Variants in BCAS3 observed in about 807,000 individuals in gnomAD.
BCAS3 encodes the protein BCAS3 microtubule associated cell migration factor, also known as BCAS4/BCAS3 fusion.
BCAS3 carries 53 observed loss-of-function variants against 116.1 expected under a neutral mutation model. The observed-to-expected ratio is 0.46, with a 90% CI of 0.37 to 0.57. The LOEUF (loss-of-function observed/expected upper bound fraction) is 0.57, where lower values mean the gene tolerates loss of function less well. BCAS3 is among the 20% of genes least tolerant of loss of function. The pLI, the probability that BCAS3 is intolerant of heterozygous loss-of-function variation, is 0.00. For synonymous variants in BCAS3, 391 were observed against 408.2 expected (o/e 0.96, Z 0.51); for missense variants, 917 against 1,165.4 (o/e 0.79, Z 3.10).
At chr17:61,099,624 A>T (rs540374015) in intron 22 of BCAS3, among the ~76,000 whole-genome samples, 1 of 152,332 alleles carries the variant, frequency 6.6e-6, no homozygotes, top group African/African-American at 2.4e-5. Flanking sequence ...TAAACAGAAT[A>T]TTTCTTTGAT....
intron 15 of BCAS3, among the ~76,000 whole-genome samples, chr17:61,009,485 C>G (rs568859325): frequency 4.6e-5 from 7 of 152,098 alleles, no homozygotes; most frequent in Non-Finnish European, 1.5e-5. Context: ...TGGTATGACA[C>G]TCCTTTAAGG....
Position 61,124,424 on chromosome 17 carries a change from T to C in BCAS3, c.2425+39860T>C, listed in dbSNP as rs1479308959. ...CAATGCATCTTTTTATTTAGTTTGT[T>C]AACTACATTCTATTGTAGAACTGTT... is the stretch of plus-strand genomic sequence containing the variant. On this transcript the variant is annotated intron_variant, in intron 22 of 23. Transcript: ENST00000407086. The surrounding 1 kb of genome is among the most constrained non-coding windows in gnomAD (Gnocchi z 4.6). Among the ~76,000 whole-genome samples, 1 of 152,216 alleles carries C rather than the reference T, an allele frequency of 6.6e-6. No homozygotes were observed. The highest frequency in any genetic ancestry group is 2.4e-5 in the African/African-American group (1 of 41,464).
chr17:61,035,030 C>T (rs2066909839), intron 17 of BCAS3, among the ~76,000 whole-genome samples: 2 of 152,132 alleles, frequency 1.3e-5, no homozygotes, highest in Non-Finnish European at 2.9e-5. Flanking sequence ...TGGTGACAAT[C>T]TACAGGTGAT....
intron 23 of BCAS3, among the ~76,000 whole-genome samples, chr17:61,374,054 G>T (rs1185407593): frequency 6.6e-6 from 1 of 150,762 alleles, no homozygotes; most frequent in East Asian, 2.0e-4. Flanking sequence ...GGCCTCAAGT[G>T]ATCTGCCCAC....
intron 12 of BCAS3, 111 bp downstream of exon 12, chr17:60,910,813 G>T (rs967729582): frequency 4.0e-6 from 4 of 1,000,926 alleles, no homozygotes; most frequent in South Asian, 2.3e-5. Flanking sequence ...GGAATTTTAG[G>T]AATTCAGATT....
At chr17:61,050,189 G>A (rs2068730690) in intron 19 of BCAS3, among the ~76,000 whole-genome samples, 1 of 151,848 alleles carries the variant, frequency 6.6e-6, no homozygotes, top group Non-Finnish European at 1.5e-5. Flanking sequence ...AATGTTAAAG[G>A]GAGTCCTTAA....
At chr17:60,766,840 C>T (rs556777645) in intron 6 of BCAS3, among the ~76,000 whole-genome samples, 8 of 152,346 alleles carry the variant, frequency 5.3e-5, no homozygotes, top group African/African-American at 7.2e-5. Context: ...TGTTGAGCTG[C>T]GGTGGGCTCC....
At chr17:60,966,821 T>G (rs1020892327) in intron 14 of BCAS3, among the ~76,000 whole-genome samples, 5 of 152,006 alleles carry the variant, frequency 3.3e-5, no homozygotes, top group Non-Finnish European at 2.9e-5. Context: ...TCCAGCTAAT[T>G]TTTTTGTGTT....
At chr17:61,274,281 AT>A (rs780529516) in intron 22 of BCAS3, among the ~76,000 whole-genome samples, 4,659 of 96,290 alleles carry the variant, frequency 0.048, 43 homozygotes, top group Non-Finnish European at 0.068. Context: ...AAATCTTTGA[AT>A]TTTTTTTTTT....
rs2058891440 is a variant in BCAS3 at position 61,368,978 on chromosome 17, G to A, written c.2593+484G>A. On this transcript the variant is annotated intron_variant, in intron 23 of 23. Transcript: ENST00000407086. This position sits in a 1 kb window ranked among gnomAD's most constrained non-coding sequence, Gnocchi z 6.0. ...TTTGGCCTTGCATTCTTGCCTCTGA[G>A]CGAGTCCAGCAACTAGGGTCTGGGT... is the stretch of plus-strand genomic sequence containing the variant. Among the ~76,000 whole-genome samples, 1 of 152,154 alleles carries A rather than the reference G, an allele frequency of 6.6e-6. No homozygotes were observed. The highest frequency in any genetic ancestry group is 1.5e-5 in the Non-Finnish European group (1 of 68,028).
chr17:61,371,774 C>G (rs1016459628), intron 23 of BCAS3, among the ~76,000 whole-genome samples: 2 of 152,156 alleles, frequency 1.3e-5, no homozygotes, highest in Non-Finnish European at 2.9e-5. Flanking sequence ...TAGCCAGGCG[C>G]CGGTGAGAAA....
intron 12 of BCAS3, among the ~76,000 whole-genome samples, chr17:60,913,611 T>A (rs1035839241): frequency 6.6e-6 from 1 of 152,132 alleles, no homozygotes; most frequent in African/African-American, 2.4e-5. Flanking sequence ...TCCGCTGATG[T>A]TTAGCCTAAA....
rs1048973026 is a variant in BCAS3, at chr17:61,300,084, G to C, written c.2426-68243G>C. 6.6e-6 allele frequency among the ~76,000 whole-genome samples: 1 copy of C among 152,076 alleles called. No homozygotes were observed. The highest frequency in any genetic ancestry group is 1.5e-5 in the Non-Finnish European group (1 of 68,026). ...TTATTAAAATTGTAAATGTAACCCA[G>C]AGCTGTTTAGTACAGTACTAGGCAG... On this transcript the variant is annotated intron_variant, in intron 22 of 23. Coordinates refer to ENST00000407086, the MANE Select transcript of BCAS3 (RefSeq NM_017679.5). This position sits in a 1 kb window ranked among gnomAD's most constrained non-coding sequence, Gnocchi z 5.1.
At chr17:60,941,668 G>A (rs1445852194) in intron 13 of BCAS3, among the ~76,000 whole-genome samples, 1 of 152,098 alleles carries the variant, frequency 6.6e-6, no homozygotes, top group Non-Finnish European at 1.5e-5. Flanking sequence ...GAAGATAATA[G>A]GCATAATTTT....
chr17:60,743,970 C>G (rs765388711), intron 5 of BCAS3, among the ~76,000 whole-genome samples: 1 of 152,100 alleles, frequency 6.6e-6, no homozygotes, highest in Non-Finnish European at 1.5e-5. Context: ...ACAGTGTGAA[C>G]AAATCATTCT....
At chr17:60,805,963 A>G (rs1820204709) in intron 6 of BCAS3, among the ~76,000 whole-genome samples, 1 of 150,852 alleles carries the variant, frequency 6.6e-6, no homozygotes, top group South Asian at 2.1e-4. Context: ...CCTGGGTTCA[A>G]GCTAGTCTGC....
rs559495185 is a variant in BCAS3, at chr17:61,162,803, A to G, written c.2425+78239A>G. Among the ~76,000 whole-genome samples, 1 of 152,352 alleles carries G rather than the reference A, an allele frequency of 6.6e-6. No individual in the cohort carries two copies. The highest frequency in any genetic ancestry group is 2.4e-5 in the African/African-American group (1 of 41,580). On this transcript the variant is annotated intron_variant, in intron 22 of 23. Coordinates refer to ENST00000407086, the MANE Select transcript of BCAS3 (RefSeq NM_017679.5). This position sits in a 1 kb window ranked among gnomAD's most constrained non-coding sequence, Gnocchi z 5.6. ...GGAACCACTCCTGATGGAATATGAG[A>G]AAGAAAAGTGTATTATTTACATTCT...
At chr17:61,164,405 C>A (rs1411194880) in intron 22 of BCAS3, among the ~76,000 whole-genome samples, 1 of 151,988 alleles carries the variant, frequency 6.6e-6, no homozygotes, top group Admixed American at 6.6e-5. Context: ...GTAATGCCAG[C>A]AACACTTTGG....
At chr17:61,170,240 G>A (rs1293968546) in intron 22 of BCAS3, among the ~76,000 whole-genome samples, 3 of 151,692 alleles carry the variant, frequency 2.0e-5, no homozygotes, top group Admixed American at 6.6e-5. Context: ...TTACCCTTCT[G>A]CTTGAAACAA....
Sources: allele counts gnomAD v4.1 joint callset (sites outside exome capture counted in the v4.1 genomes callset), GRCh38; gene constraint gnomAD v4.1.1; non-coding constraint Gnocchi (gnomAD v3.1); transcripts MANE v1.5; gene names NCBI Gene and HGNC (gene_info 2026-07-23, HGNC 2026-07-21).